NKAIN3: variants seen among roughly 807,000 people sequenced by gnomAD.
The protein encoded by NKAIN3 is sodium/potassium-transporting ATPase subunit beta-1-interacting protein 3.
A neutral mutation model predicts 30.2 loss-of-function variants in NKAIN3; 25 were observed. The observed-to-expected ratio is 0.83, with a 90% CI of 0.60 to 1.16. The LOEUF (loss-of-function observed/expected upper bound fraction) is 1.16, where lower values mean the gene tolerates loss of function less well. NKAIN3 is among the 50% of genes most tolerant of loss of function. NKAIN3 has a pLI of 0.00. For missense variants in NKAIN3, 225 were observed against 254.1 expected (o/e 0.89, Z 0.78); for synonymous variants, 91 against 89.6 (o/e 1.02, Z -0.09).
At chr8:62,867,997 A>G (rs1820479014) in intron 4 of NKAIN3, among the ~76,000 whole-genome samples, 1 of 152,226 alleles carries the variant, frequency 6.6e-6, no homozygotes, top group South Asian at 2.1e-4. Context: ...CAAATCAACA[A>G]CTGAATCATT....
intron 1 of NKAIN3, among the ~76,000 whole-genome samples, chr8:62,429,353 T>G (rs1429249356): frequency 6.6e-6 from 1 of 151,944 alleles, no homozygotes; most frequent in African/African-American, 2.4e-5. Flanking sequence ...TTTCTAGAAT[T>G]TATTGAATGT....
intron 3 of NKAIN3, among the ~76,000 whole-genome samples, chr8:62,660,118 A>G (rs1281113605): frequency 1.3e-5 from 2 of 152,172 alleles, no homozygotes; most frequent in African/African-American, 2.4e-5. Context: ...CTCCCAAGTT[A>G]CCAACTTGGT....
At chr8:62,932,240 T>C (rs1822640480) in intron 5 of NKAIN3, among the ~76,000 whole-genome samples, 1 of 152,212 alleles carries the variant, frequency 6.6e-6, no homozygotes, top group African/African-American at 2.4e-5. Context: ...GAAGCAATTA[T>C]TGGGAGACTT....
intron 1 of NKAIN3, among the ~76,000 whole-genome samples, chr8:62,556,515 C>A (rs1404721347): frequency 6.6e-6 from 1 of 151,574 alleles, no homozygotes; most frequent in Non-Finnish European, 1.5e-5. Context: ...AAAGAGTTGA[C>A]TTAAAAGACA....
chr8:62,580,143 T>C (rs1173293151), intron 2 of NKAIN3, among the ~76,000 whole-genome samples: 1 of 152,202 alleles, frequency 6.6e-6, no homozygotes, highest in Non-Finnish European at 1.5e-5. Context: ...TTTAGGACAT[T>C]ACAAGTGCAT....
chr8:62,622,963 A>C (rs1407304246), intron 3 of NKAIN3, among the ~76,000 whole-genome samples: 1 of 151,960 alleles, frequency 6.6e-6, no homozygotes, highest in Non-Finnish European at 1.5e-5. Context: ...TATTTCTCAT[A>C]TAAGATAAAA....
At position 62,599,414 on chromosome 8, in the gene NKAIN3, A is replaced by G. The variant is rs78160067; in HGVS notation, c.273+9620A>G. The stretch of plus-strand genomic sequence containing the variant: ...CTCAATTTCCTGTTCTGCAAAATGA[A>G]GAAAGCCACAACAATAATCGCACTG... On this transcript the variant is annotated intron_variant, in intron 3 of 6. Coordinates refer to ENST00000623646, the MANE Select transcript of NKAIN3 (RefSeq NM_001304533.3). Among the ~76,000 whole-genome samples the G allele has an allele frequency of 3.8e-3, 574 of 152,198 alleles. 1 individual carries two copies. The highest frequency in any genetic ancestry group is 0.013 in the African/African-American group (530 of 41,564).
At chr8:62,343,812 T>TA (rs957158782) in intron 1 of NKAIN3, among the ~76,000 whole-genome samples, 14 of 150,936 alleles carry the variant, frequency 9.3e-5, no homozygotes, top group East Asian at 1.9e-4. Flanking sequence ...CTCTATCTCT[T>TA]AAAAAAAAAG....
chr8:62,878,715 T>G (rs1389876733), intron 4 of NKAIN3, among the ~76,000 whole-genome samples: 1 of 138,760 alleles, frequency 7.2e-6, no homozygotes, highest in African/African-American at 2.7e-5. Flanking sequence ...TCCTGTGTCC[T>G]GTGTTCTCAT....
At chr8:62,520,288 A>T (rs915415800) in intron 1 of NKAIN3, among the ~76,000 whole-genome samples, 1 of 152,054 alleles carries the variant, frequency 6.6e-6, no homozygotes, top group African/African-American at 2.4e-5. Context: ...ATACTTAGGG[A>T]AGTATAATAA....
At chr8:62,924,854 C>A in intron 5 of NKAIN3, among the ~76,000 whole-genome samples, 1 of 152,142 alleles carries the variant, frequency 6.6e-6, no homozygotes. Flanking sequence ...TGTCTTCTTC[C>A]TGTGTTCCCA....
intron 1 of NKAIN3, among the ~76,000 whole-genome samples, chr8:62,281,418 C>T (rs1374537840): frequency 6.6e-6 from 1 of 152,214 alleles, no homozygotes; most frequent in African/African-American, 2.4e-5. Context: ...CTTCTGCTAA[C>T]TTTTGAATGT....
downstream of NKAIN3, among the ~76,000 whole-genome samples, chr8:62,989,465 C>T (rs758779870): frequency 4.6e-5 from 7 of 152,100 alleles, no homozygotes; most frequent in Non-Finnish European, 5.9e-5. Flanking sequence ...TGTAGGGTAA[C>T]TCCCCCTTAC....
chr8:62,253,204 A>G (rs1812164806), intron 1 of NKAIN3, among the ~76,000 whole-genome samples: 1 of 152,260 alleles, frequency 6.6e-6, no homozygotes, highest in Non-Finnish European at 1.5e-5. Context: ...CTCACCAGAC[A>G]TATCTGTGGT....
chr8:62,768,296 C>T (rs948121750), intron 4 of NKAIN3, among the ~76,000 whole-genome samples: 3 of 152,166 alleles, frequency 2.0e-5, no homozygotes, highest in African/African-American at 2.4e-5. Context: ...TCCAACCTGT[C>T]TCTCACAGTC....
intron 3 of NKAIN3, among the ~76,000 whole-genome samples, chr8:62,728,681 A>C (rs1339989345): frequency 2.7e-5 from 4 of 148,890 alleles, no homozygotes; most frequent in African/African-American, 9.9e-5. Flanking sequence ...ACAAAAAAAC[A>C]AAACAAAACA....
intron 4 of NKAIN3, among the ~76,000 whole-genome samples, chr8:62,771,215 C>T (rs185345664): frequency 0.013 from 2,050 of 152,110 alleles, 21 homozygotes; most frequent in Middle Eastern, 0.024. Context: ...ATCGCTTGAG[C>T]CCGGGAGTTC....
chr8:62,733,353 G>C (rs1173018227), intron 3 of NKAIN3, among the ~76,000 whole-genome samples: 1 of 152,032 alleles, frequency 6.6e-6, no homozygotes, highest in Non-Finnish European at 1.5e-5. Context: ...AAGTTCCATT[G>C]GTGGTAAATA....
intron 4 of NKAIN3, among the ~76,000 whole-genome samples, chr8:62,913,780 C>A (rs1241821881): frequency 6.6e-6 from 1 of 152,094 alleles, no homozygotes; most frequent in Non-Finnish European, 1.5e-5. Context: ...AAAATAAAAA[C>A]AACAATGATC....
Sources: gnomAD v4.1 joint callset for allele counts (sites outside exome capture counted in the v4.1 genomes callset) on GRCh38, gnomAD v4.1.1 for gene constraint, MANE v1.5 for transcripts, NCBI Gene and HGNC (gene_info 2026-07-23, HGNC 2026-07-21) for gene names.